SH3GL1: variants seen among roughly 807,000 people sequenced by gnomAD.
SH3GL1 encodes SH3 domain containing GRB2 like 1, endophilin A2.
A neutral mutation model predicts 48.8 loss-of-function variants in SH3GL1; 21 were observed. The observed-to-expected ratio is 0.43, with a 90% CI of 0.30 to 0.62. SH3GL1 has a LOEUF of 0.62. Among genes scored for constraint, SH3GL1 ranks in the 20% least tolerant of loss-of-function variants. SH3GL1 has a pLI of 0.11. For synonymous variants in SH3GL1, 282 were observed against 217.5 expected (o/e 1.30, Z -2.61); for missense variants, 454 against 503.0 (o/e 0.90, Z 0.93).
rs373649255 is a variant in SH3GL1 at position 4,365,546 on chromosome 19, C to G, written c.267G>C (p.Ser89=). The G allele has an allele frequency of 6.2e-7, 1 of 1,614,050 alleles. No homozygotes were observed. The highest frequency in any genetic ancestry group is 1.7e-5 in the Admixed American group (1 of 60,028). The change falls in exon 4 of 10, where the codon TCG becomes TCC. Residue 89 remains serine, a synonymous_variant. Transcript: ENST00000269886. The part of the protein sequence containing the change: ...GQVKNPGYPQ[S]EGLLGECMIR... The stretch of plus-strand genomic sequence containing the variant: ...TCATGCACTCGCCCAGAAGCCCCTC[C>G]GACTGCGGGTAGCCGGGGTTCTTCA...
rs371678663 is a variant in SH3GL1, at chr19:4,363,735, G to A, written c.609C>T (p.Asn203=). ...AGCTACTCACGTCAGTCTCCAGGAGGTTGTGCATGCTGGTTTCTGCCACCT... is the reference window on the plus strand; with the variant it reads ...AGCTACTCACGTCAGTCTCCAGGAGATTGTGCATGCTGGTTTCTGCCACCT... ...SKEVAETSMH[N]LLETDIEQVS... is the part of the protein sequence containing the mutation. Residue 203 remains asparagine, a synonymous_variant, in exon 6 of 10, where the codon AAC becomes AAT. Transcript: ENST00000269886. 3.2e-5 allele frequency: 52 copies of A among 1,613,456 alleles called. No homozygotes were observed. Among genetic ancestry groups the A allele is most frequent in the East Asian group, 4.5e-5 (2 of 44,900 alleles).
At position 4,365,498 on chromosome 19, in the gene SH3GL1, G is replaced by A. The variant is rs755705508; in HGVS notation, c.315C>T (p.Gly105=). Residue 105 remains glycine (G), a synonymous_variant, in exon 4 of 10, where the codon GGC becomes GGT. Coordinates refer to ENST00000269886, the MANE Select transcript of SH3GL1 (RefSeq NM_003025.4). ...ACCACTCACCAAAGTTGGACTCGCCGCCCAGCTCCTTCCCGTGGCGGATCA... is the reference window on the plus strand; with the variant it reads ...ACCACTCACCAAAGTTGGACTCGCCACCCAGCTCCTTCCCGTGGCGGATCA... ...ECMIRHGKEL[G]GESNFGDALL... 1.9e-5 allele frequency: 30 copies of A among 1,613,770 alleles called. No homozygotes were observed. The highest frequency in any genetic ancestry group is 3.4e-4 in the Middle Eastern group (2 of 5,958).
intron 1 of SH3GL1, among the ~76,000 whole-genome samples, chr19:4,384,860 C>T (rs243405): frequency 0.98 from 149,671 of 152,304 alleles, 73,555 homozygotes; most frequent in African/African-American, 0.99. Context: ...TCCCAGCACT[C>T]TGGGAGGCCA....
In SH3GL1 at chr19:4,364,076, C is replaced by T. The variant is rs372861834; in HGVS notation, c.465+12G>A. On this transcript the variant is annotated intron_variant, in intron 5 of 9. Transcript: ENST00000269886. ...GGAAGGGACAGGCCCCAGGCTGGCG[C>T]AGGAGCAGCACCTGGATCTCCTTCA... The T allele has an allele frequency of 2.7e-5, 43 of 1,611,754 alleles. No individual in the cohort carries two copies. The highest frequency in any genetic ancestry group is 9.4e-5 in the African/African-American group (7 of 74,864).
intron 1 of SH3GL1, among the ~76,000 whole-genome samples, chr19:4,393,022 C>T (rs1973365084): frequency 6.6e-6 from 1 of 152,162 alleles, no homozygotes; most frequent in Non-Finnish European, 1.5e-5. Context: ...CTTTGAGAGG[C>T]TGAGGCAGGA....
At chr19:4,363,264 G>C in intron 7 of SH3GL1, 106 bp downstream of exon 7, 2 of 858,494 alleles carry the variant, frequency 2.3e-6, no homozygotes, top group Non-Finnish European at 3.7e-6. Context: ...AATCCAGGAT[G>C]CTGCTCTGCC....
chr19:4,369,085 AAG>A (rs920088048), intron 1 of SH3GL1, among the ~76,000 whole-genome samples: 8 of 152,134 alleles, frequency 5.3e-5, no homozygotes, highest in African/African-American at 1.9e-4. Flanking sequence ...AGAAAGAAGA[AAG>A]AAAAAAAAAA....
chr19:4,370,886 C>T (rs752356999), intron 1 of SH3GL1, among the ~76,000 whole-genome samples: 15 of 152,268 alleles, frequency 9.9e-5, no homozygotes, highest in Non-Finnish European at 1.8e-4. Context: ...CTGCCGGACA[C>T]TTCCCCAGGG....
chr19:4,362,777 G>T, intron 7 of SH3GL1, 41 bp from the exon 8 acceptor site: 2 of 1,612,056 alleles, frequency 1.2e-6, no homozygotes, highest in Non-Finnish European at 1.7e-6. Context: ...CCCGTGTCAC[G>T]GCCGAGGCAG....
chr19:4,380,031 G>A (rs2144896871), intron 1 of SH3GL1: 1 of 152,354 alleles, frequency 6.6e-6, no homozygotes, highest in East Asian at 1.9e-4. Context: ...TGGCCCCACG[G>A]ATGCTGCATG....
rs369272042 is a variant in SH3GL1, at chr19:4,366,062, T to C, written c.188-437A>G. Among the ~76,000 whole-genome samples the C allele has an allele frequency of 3.1e-3, 474 of 151,748 alleles. 1 individual carries two copies. Among genetic ancestry groups the C allele is most frequent in the African/African-American group, 0.011 (459 of 41,506 alleles). ...CACTGCTGGGTGTGCGTCTGCCCCC[T>C]GTCCGTGGCCTCCTATGGAGCCAGC... On this transcript the variant is annotated intron_variant, in intron 3 of 9. Transcript: ENST00000269886.
chr19:4,398,811 C>T lies in SH3GL1; in HGVS notation c.45+1513G>A, dbSNP rs186271443. Among the ~76,000 whole-genome samples, 10 of 152,322 alleles carry T rather than the reference C, an allele frequency of 6.6e-5. No homozygotes were observed. The East Asian group carries it at 1.7e-3, about 26-fold the overall frequency. ...TTTCCAAAAAAAACCCTTTATCTGT[C>T]CATATCAAATGCACTTAGGCTGGGA... On this transcript the variant is annotated intron_variant, in intron 1 of 9. Coordinates refer to ENST00000269886, the MANE Select transcript of SH3GL1 (RefSeq NM_003025.4).
chr19:4,360,436 C>T lies in SH3GL1; in HGVS notation c.*1164G>A, dbSNP rs913879338. 9 of 240,842 alleles carry T rather than the reference C, an allele frequency of 3.7e-5. No individual in the cohort carries two copies. Among genetic ancestry groups the T allele is most frequent in the East Asian group, 6.0e-5 (1 of 16,640 alleles). 14.9% of individuals were successfully genotyped at this position (240,842 alleles called of 1,614,324 possible). On this transcript the variant is annotated 3_prime_UTR_variant, in exon 10 of 10. Coordinates refer to ENST00000269886, the MANE Select transcript of SH3GL1 (RefSeq NM_003025.4). ...GCGTACATTTCAGTTTGCCCTGGAC[C>T]GTGCCCAAAGCTGTGTGCTCATCTC... is the stretch of plus-strand genomic sequence containing the variant.
intron 1 of SH3GL1, among the ~76,000 whole-genome samples, chr19:4,384,901 C>T (rs376510296): frequency 9.2e-5 from 14 of 152,158 alleles, no homozygotes; most frequent in African/African-American, 3.1e-4. Context: ...CTCAGGAGTT[C>T]GAGACTAGCC....
At position 4,367,008 on chromosome 19, in the gene SH3GL1, G is replaced by C; in HGVS notation, c.46-14C>G. On this transcript the variant is annotated splice_polypyrimidine_tract_variant and intron_variant, in intron 1 of 9. Transcript: ENST00000269886. The surrounding 1 kb of genome is among the most constrained non-coding windows in gnomAD (Gnocchi z 4.2). Reference sequence around the variant, plus strand: ...CTCACTGACCAGCTAGAGGACAGAAGAGGGGAAACGCTGTGAGCCCAGGGG... The same window carrying C: ...CTCACTGACCAGCTAGAGGACAGAACAGGGGAAACGCTGTGAGCCCAGGGG... The C allele has an allele frequency of 1.2e-6, 2 of 1,613,520 alleles. No homozygotes were observed. The highest frequency in any genetic ancestry group is 1.7e-6 in the Non-Finnish European group (2 of 1,179,464).
At chr19:4,399,057 C>T (rs1973472566) in intron 1 of SH3GL1, among the ~76,000 whole-genome samples, 1 of 152,134 alleles carries the variant, frequency 6.6e-6, no homozygotes, top group African/African-American at 2.4e-5. Context: ...AGGTGGCTTA[C>T]GTCGATAATC....
rs1358504778 is a variant in SH3GL1, at chr19:4,367,162, G to A, written c.46-168C>T. 6.6e-6 allele frequency among the ~76,000 whole-genome samples: 1 copy of A among 152,080 alleles called. No homozygotes were observed. Among genetic ancestry groups the A allele is most frequent in the African/African-American group, 2.4e-5 (1 of 41,428 alleles). On this transcript the variant is annotated intron_variant, in intron 1 of 9. Coordinates refer to ENST00000269886, the MANE Select transcript of SH3GL1 (RefSeq NM_003025.4). This position sits in a 1 kb window ranked among gnomAD's most constrained non-coding sequence, Gnocchi z 4.2. Reference sequence around the variant, plus strand: ...TGCCGTGGGCACCCCAGGGCCACACGCTGCCTGCAGAGCAGGGTGGGCCTG... The same window carrying A: ...TGCCGTGGGCACCCCAGGGCCACACACTGCCTGCAGAGCAGGGTGGGCCTG...
rs1020683550 is a variant in SH3GL1, at chr19:4,398,148, T to G, written c.45+2176A>C. Among the ~76,000 whole-genome samples the G allele has an allele frequency of 9.2e-5, 14 of 151,496 alleles. 1 individual carries two copies. Among genetic ancestry groups the G allele is most frequent in the Non-Finnish European group, 2.9e-5 (2 of 67,878 alleles). On this transcript the variant is annotated intron_variant, in intron 1 of 9. Transcript: ENST00000269886. ...GCATGAGCCACAGCACCTGGCAGGG[T>G]CCTTACTTTTTTCTTTCCAGGGGCA...
chr19:4,399,228 G>A (rs1212089220), intron 1 of SH3GL1, among the ~76,000 whole-genome samples: 1 of 145,230 alleles, frequency 6.9e-6, no homozygotes, highest in Non-Finnish European at 1.5e-5. Context: ...GCTGAGGCAG[G>A]AGAATTGCTT....
Sources: allele counts gnomAD v4.1 joint callset (sites outside exome capture counted in the v4.1 genomes callset), GRCh38; gene constraint gnomAD v4.1.1; non-coding constraint Gnocchi (gnomAD v3.1); transcripts MANE v1.5; gene names NCBI Gene and HGNC (gene_info 2026-07-23, HGNC 2026-07-21).